Variants in BSN observed in about 807,000 individuals in gnomAD.
BSN encodes protein bassoon.
A neutral mutation model predicts 264.8 loss-of-function variants in BSN; 57 were observed. That is an observed-to-expected ratio of 0.22 (90% confidence interval 0.17 to 0.27). The LOEUF (loss-of-function observed/expected upper bound fraction) is 0.27, where lower values mean the gene tolerates loss of function less well. Ranked by LOEUF, BSN falls within the 10% of genes least tolerant of loss-of-function variation. The pLI is 1.00. For synonymous variants in BSN, 2,059 were observed against 2,137.3 expected, an observed-to-expected ratio of 0.96 and a Z score of 1.01; for missense variants, 4,615 against 5,232.5, an observed-to-expected ratio of 0.88 and a Z score of 3.64.
In BSN at chr3:49,574,345, G is replaced by A. The variant is rs553733239; in HGVS notation, c.224+19519G>A. Among the ~76,000 whole-genome samples the A allele has an allele frequency of 9.9e-5, 15 of 152,198 alleles. No individual in the cohort carries two copies. The South Asian group carries it at 2.9e-3, about 29-fold the overall frequency. ...TTCCCAGGAGTCATCAGGACTAGAG[G>A]TACAGTCAGGTTTGACTGCTGACCA... On this transcript the variant is annotated intron_variant, in intron 1 of 11. Coordinates refer to ENST00000296452, the MANE Select transcript of BSN (RefSeq NM_003458.4).
Position 49,651,164 on chromosome 3 carries a change from G to C in BSN, c.1986+85G>C. On this transcript the variant is annotated intron_variant, in intron 4 of 11. Transcript: ENST00000296452. The surrounding 1 kb of genome is among the most constrained non-coding windows in gnomAD (Gnocchi z 5.4). ...CTTGCCTCCCTGGGTGGCTGAGGCT[G>C]TAGGCTCAGGACAGGTGCCTTGGGG... 5.2e-6 allele frequency: 7 copies of C among 1,346,418 alleles called. No individual in the cohort carries two copies. The highest frequency in any genetic ancestry group is 2.5e-4 in the Middle Eastern group (1 of 4,002). The allele number at this position is 1,346,418 out of a possible 1,614,324, so 83.4% of individuals were successfully genotyped here.
At position 49,651,425 on chromosome 3, in the gene BSN, TA is replaced by T; in HGVS notation, c.1987-115del. On this transcript the variant is annotated intron_variant, in intron 4 of 11. Coordinates refer to ENST00000296452, the MANE Select transcript of BSN (RefSeq NM_003458.4). This position sits in a 1 kb window ranked among gnomAD's most constrained non-coding sequence, Gnocchi z 5.4. The stretch of plus-strand genomic sequence containing the variant: ...AGGAGATAGGGTGGGTGGCGGGCCC[TA>T]AACCCTTGGGAAATGGACAGACTCT... The T allele has an allele frequency of 8.2e-7, 1 of 1,224,062 alleles. No individual in the cohort carries two copies. Among genetic ancestry groups the T allele is most frequent in the Non-Finnish European group, 1.1e-6 (1 of 884,218 alleles). 75.8% of individuals were successfully genotyped at this position (1,224,062 alleles called of 1,614,324 possible).
chr3:49,613,307 A>AGAGAGAGAGAGAGAGC (rs2052224604), intron 1 of BSN, among the ~76,000 whole-genome samples: 3 of 122,164 alleles, frequency 2.5e-5, no homozygotes, highest in African/African-American at 3.5e-5. Flanking sequence ...ACAGAGCGAG[A>AGAGAGAGAGAGAGAGC]GAGAGAGAGA....
chr3:49,635,627 A>G (rs549452538), intron 2 of BSN, among the ~76,000 whole-genome samples: 9 of 152,130 alleles, frequency 5.9e-5, no homozygotes, highest in East Asian at 3.9e-4. Flanking sequence ...TCTACCATCT[A>G]TTTGTTCTTC....
chr3:49,613,015 C>T (rs2052220176), intron 1 of BSN, among the ~76,000 whole-genome samples: 6 of 152,086 alleles, frequency 3.9e-5, no homozygotes, highest in Admixed American at 3.9e-4. Context: ...TGCCTATAAT[C>T]CCAGCTACTT....
At position 49,606,289 on chromosome 3, in the gene BSN, T is replaced by TATATATATTAAAATATATATATA. The variant is rs2052148639; in HGVS notation, c.225-18673_225-18672insTATATATATAATATATATTAAAA. Among the ~76,000 whole-genome samples the TATATATATTAAAATATATATATA allele has an allele frequency of 2.0e-3, 55 of 27,990 alleles. 3 individuals carry two copies. Among genetic ancestry groups the TATATATATTAAAATATATATATA allele is most frequent in the South Asian group, 5.1e-3 (5 of 978 alleles). 18.4% of individuals were successfully genotyped at this position (27,990 alleles called of 152,430 possible). A position where few individuals can be genotyped will look rare whatever the true frequency, so the allele number is the denominator to read the frequency against. ...TATAATATATATTAAAAATATATAT[T>TATATATATTAAAATATATATATA]ATATATATTAAAAATATATATAATA... On this transcript the variant is annotated intron_variant, in intron 1 of 11. Transcript: ENST00000296452.
At chr3:49,569,328 C>G (rs2051778410) in intron 1 of BSN, among the ~76,000 whole-genome samples, 1 of 152,062 alleles carries the variant, frequency 6.6e-6, no homozygotes, top group Non-Finnish European at 1.5e-5. Flanking sequence ...GAAATTGAGG[C>G]AATACTAGGG....
chr3:49,613,350 A>AGAGAGAGAC (rs1553662899), intron 1 of BSN, among the ~76,000 whole-genome samples: 6 of 18,022 alleles, frequency 3.3e-4, no homozygotes, highest in Non-Finnish European at 4.8e-4. Flanking sequence ...GAGAGAGAGA[A>AGAGAGAGAC]GGGCTGGCCC....
intron 1 of BSN, among the ~76,000 whole-genome samples, chr3:49,558,778 G>T (rs2051692485): frequency 6.6e-6 from 1 of 152,088 alleles, no homozygotes; most frequent in Non-Finnish European, 1.5e-5. Context: ...TACCCAGAGG[G>T]CAACCATTTT....
In BSN at chr3:49,660,367, G is replaced by A; in HGVS notation, c.8641-119G>A. Reference sequence around the variant, plus strand: ...CCTCCAGGCTGCCTGGTAAATCAGGGCACCAGCAAGATGGAACCCAGCTCC... The same window carrying A: ...CCTCCAGGCTGCCTGGTAAATCAGGACACCAGCAAGATGGAACCCAGCTCC... On this transcript the variant is annotated intron_variant, in intron 5 of 11. Transcript: ENST00000296452. The surrounding 1 kb of genome is among the most constrained non-coding windows in gnomAD (Gnocchi z 7.1). 1 of 1,492,522 alleles carries A rather than the reference G, an allele frequency of 6.7e-7. No individual in the cohort carries two copies. Among genetic ancestry groups the A allele is most frequent in the Non-Finnish European group, 8.9e-7 (1 of 1,122,788 alleles). The allele number at this position is 1,492,522 out of a possible 1,614,324, so 92.5% of individuals were successfully genotyped here.
chr3:49,556,066 T>A (rs141257834), intron 1 of BSN, among the ~76,000 whole-genome samples: 1 of 152,248 alleles, frequency 6.6e-6, no homozygotes, highest in African/African-American at 2.4e-5. Flanking sequence ...ATAATAGTAA[T>A]GCAGTTGGAT....
intron 1 of BSN, among the ~76,000 whole-genome samples, chr3:49,569,778 T>A (rs560027400): frequency 6.6e-6 from 1 of 152,274 alleles, no homozygotes; most frequent in East Asian, 1.9e-4. Context: ...CAGAGAAAAG[T>A]CTCTCACTAT....
At chr3:49,645,802 G>A (rs1220470503) in intron 3 of BSN, among the ~76,000 whole-genome samples, 1 of 152,230 alleles carries the variant, frequency 6.6e-6, no homozygotes, top group East Asian at 1.9e-4. Context: ...GCACTTGCCA[G>A]AGACACTTAC....
chr3:49,571,473 G>A (rs1278877130), intron 1 of BSN, among the ~76,000 whole-genome samples: 1 of 152,122 alleles, frequency 6.6e-6, no homozygotes, highest in Non-Finnish European at 1.5e-5. Context: ...TTGGGGAGAC[G>A]GGGGTGGGCA....
rs779276278 is a variant in BSN, at chr3:49,656,344, C to T, written c.6788C>T (p.Ala2263Val). The T allele has an allele frequency of 4.4e-6, 7 of 1,608,572 alleles. No individual in the cohort carries two copies. The South Asian group carries it at 6.6e-5, about 15-fold the overall frequency. Residue 2263 changes from alanine to valine, a missense_variant, in exon 5 of 12, where the codon GCA becomes GTA. By Grantham distance (64) the Ala-to-Val change is moderately conservative. Around this residue, in one of 3 missense-constraint regions of BSN, gnomAD observed 3,415 missense variants for 3,866.4 expected, o/e 0.88. Transcript: ENST00000296452. Reference sequence around the variant, plus strand: ...CCCACAGGGCTGTACCGCTATCCTGCACCAAGTAGATTTCCCATTGCTTCC... The same window carrying T: ...CCCACAGGGCTGTACCGCTATCCTGTACCAAGTAGATTTCCCATTGCTTCC... Reference protein sequence around the residue: ...LGPTGLYRYPAPSRFPIASSV... With the variant: ...LGPTGLYRYPVPSRFPIASSV...
chr3:49,561,314 C>A (rs751758672), intron 1 of BSN, among the ~76,000 whole-genome samples: 6 of 152,196 alleles, frequency 3.9e-5, no homozygotes, highest in Non-Finnish European at 8.8e-5. Flanking sequence ...GCCTCAGCAG[C>A]AAGGATCACC....
intron 1 of BSN, among the ~76,000 whole-genome samples, chr3:49,580,679 GAGCTACTGTACTCA>G (rs1343865528): frequency 6.6e-6 from 1 of 152,014 alleles, no homozygotes; most frequent in Non-Finnish European, 1.5e-5. Context: ...GACTGGTCTC[GAGCTACTGTACTCA>G]AGCAATCCTC....
chr3:49,564,445 CTT>C (rs1419287144), intron 1 of BSN, among the ~76,000 whole-genome samples: 2 of 152,210 alleles, frequency 1.3e-5, no homozygotes, highest in Non-Finnish European at 2.9e-5. Flanking sequence ...TAGTGAGACT[CTT>C]TTGGAACCTG....
intron 1 of BSN, among the ~76,000 whole-genome samples, chr3:49,610,017 A>T (rs984501648): frequency 2.0e-5 from 3 of 152,176 alleles, no homozygotes; most frequent in African/African-American, 7.2e-5. Flanking sequence ...GCCCTGTGCC[A>T]AACTCTGAGG....
Sources: gnomAD v4.1 joint callset for allele counts (sites outside exome capture counted in the v4.1 genomes callset) on GRCh38, gnomAD v4.1.1 for gene constraint, gnomAD v4.1.1 regional missense constraint, Gnocchi (gnomAD v3.1) non-coding constraint, MANE v1.5 for transcripts, NCBI Gene and HGNC (gene_info 2026-07-23, HGNC 2026-07-21) for gene names.